The following CRPPA variants were observed in gnomAD, a reference collection of about 807,000 sequenced individuals.
The protein encoded by CRPPA is D-ribitol-5-phosphate cytidylyltransferase.
A neutral mutation model predicts 52.0 loss-of-function variants in CRPPA; 43 were observed. The ratio of observed to expected loss-of-function variants is 0.83; its 90% confidence interval spans 0.65 to 1.07. The LOEUF is 1.07. Ranked by LOEUF, CRPPA falls within the 50% of genes least tolerant of loss-of-function variation. The pLI, the probability that CRPPA is intolerant of heterozygous loss-of-function variation, is 0.00. For synonymous variants in CRPPA, 250 were observed against 203.5 expected, an observed-to-expected ratio of 1.23 and a Z score of -1.94; for missense variants, 629 against 551.7, an observed-to-expected ratio of 1.14 and a Z score of -1.40.
intron 2 of CRPPA, among the ~76,000 whole-genome samples, chr7:16,397,975 T>A (rs1158034375): frequency 6.6e-6 from 1 of 152,188 alleles, no homozygotes; most frequent in Non-Finnish European, 1.5e-5. Context: ...TTACATGCCA[T>A]TGACCTTACC....
chr7:16,150,286 A>T (rs1223572845), intron 9 of CRPPA, among the ~76,000 whole-genome samples: 1 of 152,166 alleles, frequency 6.6e-6, no homozygotes, highest in Non-Finnish European at 1.5e-5. Context: ...ATAATCAGCA[A>T]CTTTCTTACT....
chr7:16,213,599 T>C (rs1035744556), intron 9 of CRPPA, among the ~76,000 whole-genome samples: 2 of 151,948 alleles, frequency 1.3e-5, no homozygotes, highest in African/African-American at 4.8e-5. Context: ...ATATACAAAA[T>C]TTAACTGGGC....
intron 8 of CRPPA, among the ~76,000 whole-genome samples, chr7:16,235,485 G>T (rs1485658778): frequency 6.6e-6 from 1 of 151,974 alleles, no homozygotes; most frequent in Admixed American, 6.6e-5. Context: ...CTGGTCTGCT[G>T]CCTATTTTGT....
intron 5 of CRPPA, among the ~76,000 whole-genome samples, chr7:16,281,216 T>C (rs1387758298): frequency 6.6e-6 from 1 of 151,976 alleles, no homozygotes; most frequent in Non-Finnish European, 1.5e-5. Context: ...ATTTGTCCCC[T>C]GTGTCCTGAA....
At chr7:16,120,380 C>G (rs535600570) in intron 9 of CRPPA, among the ~76,000 whole-genome samples, 35 of 152,242 alleles carry the variant, frequency 2.3e-4, no homozygotes, top group Non-Finnish European at 4.7e-4. Context: ...AGAATCCCAT[C>G]AAGTGAGTTT....
chr7:16,138,698 A>G (rs1350782948), intron 9 of CRPPA, among the ~76,000 whole-genome samples: 1 of 152,202 alleles, frequency 6.6e-6, no homozygotes, highest in East Asian at 1.9e-4. Context: ...TTTCTTTAAA[A>G]TTATCTTATA....
chr7:16,189,268 T>C (rs4001545), intron 9 of CRPPA, among the ~76,000 whole-genome samples: 96,140 of 151,962 alleles, frequency 0.63, 31,003 homozygotes, highest in Admixed American at 0.7. Flanking sequence ...TGAATAAAAT[T>C]ACTGCAACTC....
At chr7:16,231,275 C>T (rs868420807) in intron 8 of CRPPA, among the ~76,000 whole-genome samples, 2 of 152,246 alleles carry the variant, frequency 1.3e-5, no homozygotes, top group South Asian at 4.1e-4. Context: ...ACTGAAATCT[C>T]TCACTTGGTT....
chr7:16,335,278 G>A (rs2128431359), intron 3 of CRPPA, among the ~76,000 whole-genome samples: 1 of 152,056 alleles, frequency 6.6e-6, no homozygotes, highest in South Asian at 2.1e-4. Flanking sequence ...ACTTGACCGT[G>A]GGAGGTCAAG....
chr7:16,330,343 T>G (rs1440051111), intron 3 of CRPPA, among the ~76,000 whole-genome samples: 3 of 152,156 alleles, frequency 2.0e-5, no homozygotes, highest in Non-Finnish European at 4.4e-5. Context: ...TTTCTACATA[T>G]AAGAAAATTG....
At chr7:16,247,924 T>C (rs1314638325) in intron 8 of CRPPA, 1 of 152,032 alleles carries the variant, frequency 6.6e-6, no homozygotes, top group Non-Finnish European at 1.5e-5. Context: ...AATTCTGCCA[T>C]TCACTGGGAC....
chr7:16,355,156 G>T (rs949525163), intron 3 of CRPPA, among the ~76,000 whole-genome samples: 1 of 152,068 alleles, frequency 6.6e-6, no homozygotes, highest in Non-Finnish European at 1.5e-5. Context: ...ATTGTAATCC[G>T]ACTAACTTAT....
intron 9 of CRPPA, among the ~76,000 whole-genome samples, chr7:16,109,541 T>C (rs868108175): frequency 6.6e-6 from 1 of 151,736 alleles, no homozygotes; most frequent in African/African-American, 2.4e-5. Context: ...GAAAAGAAAA[T>C]TGCAGACCAA....
intron 5 of CRPPA, among the ~76,000 whole-genome samples, chr7:16,285,400 C>G (rs28513450): frequency 4.7e-4 from 72 of 152,180 alleles, no homozygotes; most frequent in African/African-American, 1.7e-3. Flanking sequence ...TTACACTATC[C>G]TATTTTTTAA....
At chr7:16,329,377 AAT>A (rs1785496065) in intron 3 of CRPPA, among the ~76,000 whole-genome samples, 1 of 139,162 alleles carries the variant, frequency 7.2e-6, no homozygotes, top group Non-Finnish European at 1.6e-5. Flanking sequence ...TTCTTATTAA[AAT>A]TGTAAGTGAA....
intron 1 of CRPPA, among the ~76,000 whole-genome samples, chr7:16,414,424 A>G (rs1788144931): frequency 6.6e-6 from 1 of 151,508 alleles, no homozygotes. Flanking sequence ...TTCCTTGTAT[A>G]TTTAAACCAG....
At chr7:16,257,502 A>G (rs928478115) in intron 8 of CRPPA, among the ~76,000 whole-genome samples, 2 of 152,140 alleles carry the variant, frequency 1.3e-5, no homozygotes, top group Non-Finnish European at 2.9e-5. Flanking sequence ...ATGACCAAAT[A>G]AAGAGGCCAC....
At chr7:16,344,602 T>C (rs886414750) in intron 3 of CRPPA, among the ~76,000 whole-genome samples, 1 of 151,924 alleles carries the variant, frequency 6.6e-6, no homozygotes, top group South Asian at 2.1e-4. Flanking sequence ...TCAGTCAACT[T>C]AAGGACTTAA....
intron 9 of CRPPA, among the ~76,000 whole-genome samples, chr7:16,183,276 C>T (rs1161844946): frequency 6.6e-6 from 1 of 152,178 alleles, no homozygotes; most frequent in Non-Finnish European, 1.5e-5. Flanking sequence ...TGGGAAAGTG[C>T]AGGTTTCCAG....
Sources: gnomAD v4.1 joint callset for allele counts (sites outside exome capture counted in the v4.1 genomes callset) on GRCh38, gnomAD v4.1.1 for gene constraint, MANE v1.5 for transcripts, NCBI Gene and HGNC (gene_info 2026-07-23, HGNC 2026-07-21) for gene names.